Variants in RICTOR observed in about 807,000 individuals in gnomAD.
RICTOR encodes the protein rapamycin-insensitive companion of mTOR.
Under a neutral mutation model 214.9 loss-of-function variants are expected in RICTOR, and 49 were observed. The observed-to-expected ratio is 0.23, with a 90% confidence interval of 0.18 to 0.29. RICTOR has a LOEUF of 0.29. RICTOR is among the 10% of genes least tolerant of loss of function. RICTOR has a pLI of 1.00. For missense variants in RICTOR, 1,625 were observed against 2,047.0 expected (o/e 0.79, Z 3.98); for synonymous variants, 717 against 711.3 (o/e 1.01, Z -0.13).
intron 2 of RICTOR, among the ~76,000 whole-genome samples, chr5:39,035,485 G>A (rs914298473): frequency 1.3e-5 from 2 of 152,192 alleles, no homozygotes; most frequent in African/African-American, 2.4e-5. Flanking sequence ...TGACTTTGAC[G>A]AGTTGAGAGA....
intron 7 of RICTOR, among the ~76,000 whole-genome samples, chr5:38,983,107 GTCC>G (rs1197958125): frequency 1.3e-5 from 2 of 152,088 alleles, no homozygotes; most frequent in African/African-American, 4.8e-5. Context: ...TTTCCAATGA[GTCC>G]TCCTCCATTG....
At chr5:38,946,367 T>A in intron 33 of RICTOR, 101 bp downstream of exon 33, 1 of 729,426 alleles carries the variant, frequency 1.4e-6, no homozygotes, top group Admixed American at 2.3e-5. Context: ...GATCCAAAAG[T>A]GAGTCTTCCT....
chr5:38,997,050 C>T (rs1753230328), intron 5 of RICTOR, among the ~76,000 whole-genome samples, 168 bp from the exon 6 acceptor site: 1 of 152,050 alleles, frequency 6.6e-6, no homozygotes, highest in African/African-American at 2.4e-5. Flanking sequence ...ACCCATACAT[C>T]TCGAGGGATA....
At position 38,996,800 on chromosome 5, in the gene RICTOR, T is replaced by C; in HGVS notation, c.456+19A>G. On this transcript the variant is annotated intron_variant, in intron 6 of 37. Transcript: ENST00000357387. ...TAAAAACCATAAATTTGCCTTTTAC[T>C]CTCACACATAGAGCATACCTTTCTG... is the stretch of plus-strand genomic sequence containing the variant. The C allele has an allele frequency of 6.5e-7, 1 of 1,540,804 alleles. No individual in the cohort carries two copies. The highest frequency in any genetic ancestry group is 8.9e-7 in the Non-Finnish European group (1 of 1,125,808).
At chr5:38,994,323 C>T (rs1753004747) in intron 6 of RICTOR, among the ~76,000 whole-genome samples, 1 of 146,798 alleles carries the variant, frequency 6.8e-6, no homozygotes, top group Non-Finnish European at 1.5e-5. Flanking sequence ...ACAAATATTC[C>T]AAAACCCAAA....
intron 4 of RICTOR, 56 bp downstream of exon 4, chr5:39,003,502 A>C: frequency 1.7e-6 from 2 of 1,143,470 alleles, no homozygotes; most frequent in Non-Finnish European, 2.6e-6. Flanking sequence ...AAAATTACTA[A>C]AATTAAAATT....
intron 5 of RICTOR, 118 bp downstream of exon 5, chr5:39,002,417 C>CAT (rs1753716447): frequency 3.8e-6 from 1 of 263,996 alleles, no homozygotes; most frequent in African/African-American, 2.9e-5. Context: ...TATATATATA[C>CAT]ACACACACAA....
intron 7 of RICTOR, among the ~76,000 whole-genome samples, chr5:38,987,876 G>A (rs1039739418): frequency 1.3e-5 from 2 of 152,080 alleles, no homozygotes; most frequent in African/African-American, 2.4e-5. Flanking sequence ...CACTGCTTTA[G>A]CTGTGTCCCA....
intron 2 of RICTOR, among the ~76,000 whole-genome samples, chr5:39,067,761 C>T (rs1309436697): frequency 6.6e-6 from 1 of 152,214 alleles, no homozygotes; most frequent in Non-Finnish European, 1.5e-5. Flanking sequence ...TATCATCCTT[C>T]CCAAAATGAC....
intron 2 of RICTOR, among the ~76,000 whole-genome samples, chr5:39,035,719 G>A (rs1403530973): frequency 6.6e-6 from 1 of 152,216 alleles, no homozygotes; most frequent in Non-Finnish European, 1.5e-5. Flanking sequence ...AAGGGTATCA[G>A]CGATAGAAGA....
chr5:38,953,450 T>G lies in RICTOR; in HGVS notation c.2790+11A>C. On this transcript the variant is annotated intron_variant, in intron 28 of 37. Coordinates refer to ENST00000357387, the MANE Select transcript of RICTOR (RefSeq NM_152756.5). ...AATTGCGAAGATCTTACAGAAGTGT[T>G]TATTACAAACCAAGGCCCAAAGAGA... is the stretch of plus-strand genomic sequence containing the variant. 7.9e-7 allele frequency: 1 copy of G among 1,270,602 alleles called. No individual in the cohort carries two copies. Among genetic ancestry groups the G allele is most frequent in the South Asian group, 1.6e-5 (1 of 63,930 alleles). 78.7% of individuals were successfully genotyped at this position (1,270,602 alleles called of 1,614,324 possible).
chr5:38,997,762 G>T (rs1485979029), intron 5 of RICTOR, among the ~76,000 whole-genome samples: 1 of 152,184 alleles, frequency 6.6e-6, no homozygotes, highest in Non-Finnish European at 1.5e-5. Flanking sequence ...TTTGTTCCCT[G>T]GGTGCATCTG....
chr5:39,038,235 T>C (rs1382395534), intron 2 of RICTOR, among the ~76,000 whole-genome samples: 7 of 152,290 alleles, frequency 4.6e-5, no homozygotes, highest in Middle Eastern at 3.4e-3. Flanking sequence ...ATTATCTCAA[T>C]AGATGCAGAA....
chr5:39,039,800 TAAAA>T (rs1204767155), intron 2 of RICTOR, among the ~76,000 whole-genome samples: 1 of 152,088 alleles, frequency 6.6e-6, no homozygotes, highest in East Asian at 1.9e-4. Context: ...TGGCAATCAT[TAAAA>T]AGTCAGGAAA....
At chr5:39,023,514 G>C (rs918647349) in intron 2 of RICTOR, among the ~76,000 whole-genome samples, 2 of 152,212 alleles carry the variant, frequency 1.3e-5, no homozygotes, top group Admixed American at 6.5e-5. Flanking sequence ...CTCCGGAATA[G>C]AGTGTCAATT....
chr5:39,038,638 C>A (rs1382871824), intron 2 of RICTOR, among the ~76,000 whole-genome samples: 1 of 152,216 alleles, frequency 6.6e-6, no homozygotes, highest in Non-Finnish European at 1.5e-5. Context: ...GATACAAAAT[C>A]AATGTGCAAA....
chr5:38,945,707 C>T lies in RICTOR; in HGVS notation c.4417G>A (p.Gly1473Arg). 2 of 1,601,480 alleles carry T rather than the reference C, an allele frequency of 1.2e-6. No individual in the cohort carries two copies. The highest frequency in any genetic ancestry group is 1.7e-6 in the Non-Finnish European group (2 of 1,168,726). The change falls in exon 34 of 38, where the codon GGA becomes AGA. Residue 1473 changes from glycine to arginine, a missense_variant. By Grantham distance (125) the Gly-to-Arg change is moderately radical. Coordinates refer to ENST00000357387, the MANE Select transcript of RICTOR (RefSeq NM_152756.5). Reference protein sequence around the residue: ...HDAGGLPSGTGGLVKNSFHLL... With the variant: ...HDAGGLPSGTRGLVKNSFHLL... Reference sequence around the variant, plus strand: ...TGAAAAGAATTTTTTACAAGACCTCCAGTTCCAGATGGAAGACCTGTGCAT... The same window carrying T: ...TGAAAAGAATTTTTTACAAGACCTCTAGTTCCAGATGGAAGACCTGTGCAT...
Position 38,972,031 on chromosome 5 carries a change from T to C in RICTOR, c.890-72A>G, listed in dbSNP as rs142362134. The C allele has an allele frequency of 2.8e-4, 184 of 661,608 alleles. No homozygotes were observed. The Middle Eastern group carries it at 4.3e-3, about 16-fold the overall frequency. The allele number at this position is 661,608 out of a possible 1,614,324, so 41.0% of individuals were successfully genotyped here. ...AAAATTTCTATGGCAATGTATAATA[T>C]AAAACTTGTCATATTTTTCTAGGCA... On this transcript the variant is annotated intron_variant, in intron 10 of 37. Coordinates refer to ENST00000357387, the MANE Select transcript of RICTOR (RefSeq NM_152756.5).
At chr5:38,975,339 A>T (rs1291799033) in intron 10 of RICTOR, among the ~76,000 whole-genome samples, 198 bp downstream of exon 10, 1 of 152,200 alleles carries the variant, frequency 6.6e-6, no homozygotes, top group African/African-American at 2.4e-5. Flanking sequence ...TCATAATATT[A>T]GCTAATTCCT....
Sources: allele counts gnomAD v4.1 joint callset (sites outside exome capture counted in the v4.1 genomes callset), GRCh38; gene constraint gnomAD v4.1.1; transcripts MANE v1.5; gene names NCBI Gene and HGNC (gene_info 2026-07-23, HGNC 2026-07-21).